HAAO: variants seen among roughly 807,000 people sequenced by gnomAD.
The protein encoded by HAAO is 3-hydroxyanthranilate 3,4-dioxygenase, also known as 3-hydroxyanthranilate oxygenase.
A neutral mutation model predicts 46.2 loss-of-function variants in HAAO; 49 were observed. The ratio of observed to expected loss-of-function variants is 1.06; its 90% CI spans 0.84 to 1.34. HAAO has a LOEUF of 1.34. Ranked by LOEUF, HAAO falls within the 40% of genes most tolerant of loss-of-function variation. The pLI, the probability that HAAO is intolerant of heterozygous loss-of-function variation, is 0.00. For synonymous variants in HAAO, 157 were observed against 145.2 expected, an observed-to-expected ratio of 1.08 and a Z score of -0.58; for missense variants, 408 against 364.5, an observed-to-expected ratio of 1.12 and a Z score of -0.97.
intron 4 of HAAO, among the ~76,000 whole-genome samples, chr2:42,781,838 C>T (rs893149761): frequency 6.6e-6 from 1 of 151,866 alleles, no homozygotes; most frequent in Non-Finnish European, 1.5e-5. Flanking sequence ...CGTGCCATTG[C>T]ACTCCAGCCT....
chr2:42,790,109 G>T (rs1672678384), intron 1 of HAAO, among the ~76,000 whole-genome samples: 1 of 152,152 alleles, frequency 6.6e-6, no homozygotes, highest in South Asian at 2.1e-4. Flanking sequence ...AGACTGGCAG[G>T]TCCTTTCTGA....
chr2:42,783,672 G>A, intron 3 of HAAO, 112 bp downstream of exon 3: 1 of 912,122 alleles, frequency 1.1e-6, no homozygotes, highest in Non-Finnish European at 1.7e-6. Flanking sequence ...GTGTGGGAGA[G>A]CAGGAAAAGG....
rs975006551 is a variant in HAAO, at chr2:42,770,058, A to G, written c.484+85T>C. On this transcript the variant is annotated intron_variant, in intron 6 of 9. Transcript: ENST00000294973. ...AGGACTGGGCAGAGTATTCAAAAAG[A>G]GACTCCCCGGTCCCCTGGACCAAAA... 3.8e-6 allele frequency: 5 copies of G among 1,326,684 alleles called. No individual in the cohort carries two copies. In the African/African-American group the frequency reaches 5.8e-5, roughly 15 times the overall value. The allele number at this position is 1,326,684 out of a possible 1,614,324, so 82.2% of individuals were successfully genotyped here.
intron 7 of HAAO, 22 bp downstream of exon 7, chr2:42,769,691 G>C: frequency 6.3e-7 from 1 of 1,577,774 alleles, no homozygotes; most frequent in Non-Finnish European, 8.6e-7. Flanking sequence ...AGGATGCCCC[G>C]GATGCCCCAG....
chr2:42,767,576 G>T lies in HAAO; in HGVS notation c.782+19C>A. 6.3e-7 allele frequency: 1 copy of T among 1,582,624 alleles called. No individual in the cohort carries two copies. The highest frequency in any genetic ancestry group is 8.6e-7 in the Non-Finnish European group (1 of 1,163,188). On this transcript the variant is annotated intron_variant, in intron 9 of 9. Coordinates refer to ENST00000294973, the MANE Select transcript of HAAO (RefSeq NM_012205.3). ...TTGGACCCTGAGGATCCCAGGGAAA[G>T]CCCTCCCTGCGTACTCACGAGGTCC...
chr2:42,783,396 G>T lies in HAAO; in HGVS notation c.268C>A (p.Pro90Thr), dbSNP rs1179263312. The change falls in exon 4 of 10, where the codon CCC (proline) becomes ACC (threonine). Residue 90 changes from proline (P) to threonine (T), a missense_variant. Coordinates refer to ENST00000294973, the MANE Select transcript of HAAO (RefSeq NM_012205.3). ...GEIFLLPARV[P>T]HSPQRFANTV... ...TTGGCAAACCTCTGTGGTGAGTGGGGCACCCTGGCAGGCAGGAGGAATATC... is the reference window on the plus strand; with the variant it reads ...TTGGCAAACCTCTGTGGTGAGTGGGTCACCCTGGCAGGCAGGAGGAATATC... 3 of 1,611,844 alleles carry T rather than the reference G, an allele frequency of 1.9e-6. No homozygotes were observed. Among genetic ancestry groups the T allele is most frequent in the Non-Finnish European group, 2.5e-6 (3 of 1,178,424 alleles).
chr2:42,781,420 G>T lies in HAAO; in HGVS notation c.350+1894C>A, dbSNP rs147434402. On this transcript the variant is annotated intron_variant, in intron 4 of 9. Coordinates refer to ENST00000294973, the MANE Select transcript of HAAO (RefSeq NM_012205.3). Reference sequence around the variant, plus strand: ...GACCCTGTCTCTGACACGCCCAAAGGCCTCAAGTTTACCTTGGAACCTCAA... The same window carrying T: ...GACCCTGTCTCTGACACGCCCAAAGTCCTCAAGTTTACCTTGGAACCTCAA... Among the ~76,000 whole-genome samples the T allele has an allele frequency of 5.0e-3, 754 of 152,162 alleles. 7 individuals are homozygous for T. Among genetic ancestry groups the T allele is most frequent in the African/African-American group, 0.017 (714 of 41,498 alleles).
At chr2:42,780,716 T>G (rs1169628880) in intron 4 of HAAO, among the ~76,000 whole-genome samples, 1 of 152,076 alleles carries the variant, frequency 6.6e-6, no homozygotes, top group African/African-American at 2.4e-5. Context: ...TGTTTTATTT[T>G]GTTTTTTTTC....
chr2:42,773,510 T>C (rs751850198), intron 4 of HAAO, among the ~76,000 whole-genome samples: 3 of 151,368 alleles, frequency 2.0e-5, no homozygotes, highest in Admixed American at 6.6e-5. Flanking sequence ...GAAAGGAAAA[T>C]ATCTTGGGCC....
At chr2:42,784,212 G>A (rs1275049420) in intron 2 of HAAO, among the ~76,000 whole-genome samples, 1 of 152,130 alleles carries the variant, frequency 6.6e-6, no homozygotes. Flanking sequence ...GGGTGCCAGG[G>A]GCTGTGCCAG....
intron 1 of HAAO, among the ~76,000 whole-genome samples, chr2:42,791,504 A>G (rs2374444): frequency 0.8 from 121,784 of 152,054 alleles, 49,148 homozygotes; most frequent in Middle Eastern, 0.93. Context: ...ATTGCATGGT[A>G]ACCAAGAGTG....
At chr2:42,786,151 C>T (rs1215261907) in intron 2 of HAAO, among the ~76,000 whole-genome samples, 1 of 151,446 alleles carries the variant, frequency 6.6e-6, no homozygotes, top group Non-Finnish European at 1.5e-5. Flanking sequence ...ACCCTCTGGG[C>T]CAGATTTAAA....
At chr2:42,768,898 C>T (rs1233433260) in intron 7 of HAAO, among the ~76,000 whole-genome samples, 1 of 152,218 alleles carries the variant, frequency 6.6e-6, no homozygotes, top group Admixed American at 6.5e-5. Context: ...CTCTGGCCAA[C>T]TTCGGCTGCT....
chr2:42,774,961 G>A (rs539548359), intron 4 of HAAO, among the ~76,000 whole-genome samples: 1 of 145,780 alleles, frequency 6.9e-6, no homozygotes, highest in African/African-American at 2.6e-5. Flanking sequence ...ACACACACAC[G>A]AAAAGGGCCG....
Position 42,775,463 on chromosome 2 carries a change from T to TA in HAAO, c.351-4882dup, listed in dbSNP as rs546628900. ...CCAGCTGAAATACGGTAATGAGATT[T>TA]AAAAAGATTTTTTTAAAGGAGCTCA... On this transcript the variant is annotated intron_variant, in intron 4 of 9. Coordinates refer to ENST00000294973, the MANE Select transcript of HAAO (RefSeq NM_012205.3). 1.7e-3 allele frequency among the ~76,000 whole-genome samples: 266 copies of TA among 152,234 alleles called. 1 individual carries two copies. The highest frequency in any genetic ancestry group is 6.0e-3 in the African/African-American group (249 of 41,538).
chr2:42,783,891 G>A (rs1672201189), intron 2 of HAAO, 24 bp from the exon 3 acceptor site: 1 of 1,594,834 alleles, frequency 6.3e-7, no homozygotes, highest in Non-Finnish European at 8.6e-7. Flanking sequence ...GAGAGGCTTG[G>A]ACCCTCCGCA....
chr2:42,789,940 A>G (rs1449201198), intron 1 of HAAO, among the ~76,000 whole-genome samples: 2 of 152,182 alleles, frequency 1.3e-5, no homozygotes, highest in Non-Finnish European at 2.9e-5. Context: ...TGGCCCTGCC[A>G]CAGAGGGCAG....
chr2:42,787,943 G>A (rs1016450311), intron 2 of HAAO, among the ~76,000 whole-genome samples: 1 of 152,006 alleles, frequency 6.6e-6, no homozygotes, highest in African/African-American at 2.4e-5. Context: ...CCTCCCACCT[G>A]CCCCAGCCAC....
chr2:42,770,071 C>A, intron 6 of HAAO, 72 bp downstream of exon 6: 1 of 1,445,150 alleles, frequency 6.9e-7, no homozygotes, highest in Admixed American at 1.8e-5. Flanking sequence ...CTCCCCGGTC[C>A]CCTGGACCAA....
Sources: allele counts gnomAD v4.1 joint callset (sites outside exome capture counted in the v4.1 genomes callset), GRCh38; gene constraint gnomAD v4.1.1; transcripts MANE v1.5; gene names NCBI Gene and HGNC (gene_info 2026-07-23, HGNC 2026-07-21).